Variants in INAFM1 observed in about 807,000 individuals in gnomAD.
INAFM1 encodes InaF motif containing 1.
INAFM1 carries 11 observed loss-of-function variants against 9.4 expected under a neutral mutation model. That is an observed-to-expected ratio of 1.17 (90% confidence interval 0.74 to 1.94). The LOEUF (loss-of-function observed/expected upper bound fraction) is 1.94. Among genes scored for constraint, INAFM1 ranks in the 30% most tolerant of loss-of-function variants. The probability of loss-of-function intolerance (pLI) is 0.00; values close to 1 mark genes in which losing one functional copy is unlikely to be tolerated. For synonymous variants in INAFM1, 161 were observed against 109.5 expected (o/e 1.47, Z -2.94); for missense variants, 318 against 221.6 (o/e 1.44, Z -2.76).
At position 47,275,198 on chromosome 19, in the gene INAFM1, C is replaced by T. The variant is rs959628410; in HGVS notation, c.279C>T (p.Leu93=). The change falls in exon 1 of 1, where the codon CTC becomes CTT. Residue 93 remains leucine (L), a synonymous_variant. Transcript: ENST00000552360. ...PPVPAPAAAS[L]SCLLGVPGGP... ...TCCCGGCGCCCGCCGCTGCCTCCCT[C>T]TCCTGCCTCCTGGGAGTCCCCGGCG... is the stretch of plus-strand genomic sequence containing the variant. 1.3e-5 allele frequency: 20 copies of T among 1,514,398 alleles called. No individual in the cohort carries two copies. The highest frequency in any genetic ancestry group is 2.1e-4 in the Middle Eastern group (1 of 4,666). The allele number at this position is 1,514,398 out of a possible 1,614,324, so 93.8% of individuals were successfully genotyped here. A position where few individuals can be genotyped will look rare whatever the true frequency, so the allele number is the denominator to read the frequency against.
rs1383638142 is a variant in INAFM1 at position 47,275,187 on chromosome 19, G to A, written c.268G>A (p.Ala90Thr). 6.8e-6 allele frequency: 10 copies of A among 1,475,926 alleles called. No homozygotes were observed. The highest frequency in any genetic ancestry group is 4.5e-5 in the African/African-American group (3 of 67,334). The allele number at this position is 1,475,926 out of a possible 1,614,324, so 91.4% of individuals were successfully genotyped here. Reference protein sequence around the residue: ...PGVPPVPAPAAASLSCLLGVP... With the variant: ...PGVPPVPAPATASLSCLLGVP... ...CGTGCCGCCTGTCCCGGCGCCCGCC[G>A]CTGCCTCCCTCTCCTGCCTCCTGGG... The change falls in exon 1 of 1, where the codon GCT (alanine) becomes ACT (threonine). Residue 90 changes from alanine (A) to threonine (T), a missense_variant. By Grantham distance (58) the Ala-to-Thr change is moderately conservative. Transcript: ENST00000552360.
upstream of INAFM1, chr19:47,274,725 G>A (rs1480526408): frequency 1.0e-5 from 3 of 292,964 alleles, no homozygotes; most frequent in Admixed American, 5.8e-5. Flanking sequence ...TCCGCCTGTC[G>A]GTGGTGGGGC....
upstream of INAFM1, chr19:47,274,851 G>C (rs1600297888): frequency 4.5e-6 from 5 of 1,104,606 alleles, no homozygotes; most frequent in Non-Finnish European, 5.6e-6. Context: ...CGGTCTGCGG[G>C]GTGGGGGCGG....
upstream of INAFM1, chr19:47,274,802 CG>C (rs1184101474): frequency 2.1e-5 from 13 of 619,870 alleles, no homozygotes; most frequent in Non-Finnish European, 2.4e-5. Context: ...ACCATGCTGG[CG>C]GGGGCGGGGC....
At position 47,275,673 on chromosome 19, in the gene INAFM1, A is replaced by G. The variant is rs1568646104; in HGVS notation, c.*325A>G. 2.5e-6 allele frequency: 1 copy of G among 398,182 alleles called. No homozygotes were observed. Among genetic ancestry groups the G allele is most frequent in the Non-Finnish European group, 4.7e-6 (1 of 213,254 alleles). The allele number at this position is 398,182 out of a possible 1,614,324, so 24.7% of individuals were successfully genotyped here. A position where few individuals can be genotyped will look rare whatever the true frequency, so the allele number is the denominator to read the frequency against. On this transcript the variant is annotated 3_prime_UTR_variant, in exon 1 of 1. Coordinates refer to ENST00000552360, the MANE Select transcript of INAFM1 (RefSeq NM_178511.6). ...CCTCCCTGAATCCGTGTCCATCTGCAATAAACGACAGCCTCGGCTGCCTCG... is the reference window on the plus strand; with the variant it reads ...CCTCCCTGAATCCGTGTCCATCTGCGATAAACGACAGCCTCGGCTGCCTCG...
In INAFM1 at chr19:47,274,889, TCTGCGGCGCGGAGCCGAGTGGG is replaced by T. The variant is rs2123496627; in HGVS notation, c.-24_-3del. 1 of 1,241,220 alleles carries T rather than the reference TCTGCGGCGCGGAGCCGAGTGGG, an allele frequency of 8.1e-7. No homozygotes were observed. The highest frequency in any genetic ancestry group is 3.1e-5 in the South Asian group (1 of 31,950). The allele number at this position is 1,241,220 out of a possible 1,614,324, so 76.9% of individuals were successfully genotyped here. Reference sequence around the variant, plus strand: ...CCTGGTGGGGGCGGGGCCTGTGCGGTCTGCGGCGCGGAGCCGAGTGGGCTGCGGGGATGCGGGGGACCAGCTG... The same window carrying T: ...CCTGGTGGGGGCGGGGCCTGTGCGGTCTGCGGGGATGCGGGGGACCAGCTG... On this transcript the variant is annotated 5_prime_UTR_variant, in exon 1 of 1. Coordinates refer to ENST00000552360, the MANE Select transcript of INAFM1 (RefSeq NM_178511.6).
At chr19:47,274,750 G>A (rs2059145336), upstream of INAFM1, 4 of 332,186 alleles carry the variant, frequency 1.2e-5, no homozygotes, top group Admixed American at 5.8e-5. Context: ...GCTGGAGGGG[G>A]TGGGCCTAGG....
chr19:47,274,956 A>T lies in INAFM1; in HGVS notation c.37A>T (p.Ser13Cys). 1 of 1,371,748 alleles carries T rather than the reference A, an allele frequency of 7.3e-7. No individual in the cohort carries two copies. The highest frequency in any genetic ancestry group is 9.3e-7 in the Non-Finnish European group (1 of 1,072,832). 85.0% of individuals were successfully genotyped at this position (1,371,748 alleles called of 1,614,324 possible). A position where few individuals can be genotyped will look rare whatever the true frequency, so the allele number is the denominator to read the frequency against. The change falls in exon 1 of 1, where the codon AGC becomes TGC. Residue 13 changes from serine to cysteine, a missense_variant. By Grantham distance (112) the Ser-to-Cys change is moderately radical (BLOSUM62 -1). Transcript: ENST00000552360. ...GTSCVGGGAE[S>C]PGGAGLSEGP... ...CAGCTGCGTGGGCGGCGGCGCCGAGAGCCCCGGAGGCGCGGGGCTGAGCGA... is the reference window on the plus strand; with the variant it reads ...CAGCTGCGTGGGCGGCGGCGCCGAGTGCCCCGGAGGCGCGGGGCTGAGCGA...
Position 47,275,403 on chromosome 19 carries a change from G to C in INAFM1, c.*55G>C. The C allele has an allele frequency of 1.3e-6, 2 of 1,509,354 alleles. No individual in the cohort carries two copies. Among genetic ancestry groups the C allele is most frequent in the East Asian group, 2.8e-5 (1 of 36,292 alleles). The allele number at this position is 1,509,354 out of a possible 1,614,324, so 93.5% of individuals were successfully genotyped here. On this transcript the variant is annotated 3_prime_UTR_variant, in exon 1 of 1. Coordinates refer to ENST00000552360, the MANE Select transcript of INAFM1 (RefSeq NM_178511.6). The stretch of plus-strand genomic sequence containing the variant: ...AGCCCTCGAGAGCTCTGTGCTCCAC[G>C]CCGAGGATGCACCGTCTCTGGATTG...
In INAFM1 at chr19:47,274,893, C is replaced by A. The variant is rs573923574; in HGVS notation, c.-27C>A. 8.1e-6 allele frequency: 10 copies of A among 1,239,216 alleles called. No individual in the cohort carries two copies. The African/African-American group carries it at 1.4e-4, about 18-fold the overall frequency. 76.8% of individuals were successfully genotyped at this position (1,239,216 alleles called of 1,614,324 possible). On this transcript the variant is annotated 5_prime_UTR_variant, in exon 1 of 1. Coordinates refer to ENST00000552360, the MANE Select transcript of INAFM1 (RefSeq NM_178511.6). Reference sequence around the variant, plus strand: ...GTGGGGGCGGGGCCTGTGCGGTCTGCGGCGCGGAGCCGAGTGGGCTGCGGG... The same window carrying A: ...GTGGGGGCGGGGCCTGTGCGGTCTGAGGCGCGGAGCCGAGTGGGCTGCGGG...
At chr19:47,274,721 T>A, upstream of INAFM1, 3 of 193,832 alleles carry the variant, frequency 1.5e-5, no homozygotes, top group Non-Finnish European at 2.5e-5. Context: ...CACCTCCGCC[T>A]GTCGGTGGTG....
rs2059151072 is a variant in INAFM1, at chr19:47,275,225, G to A, written c.306G>A (p.Gly102=). 2.0e-6 allele frequency: 3 copies of A among 1,529,954 alleles called. No individual in the cohort carries two copies. The highest frequency in any genetic ancestry group is 2.6e-6 in the Non-Finnish European group (3 of 1,139,324). The allele number at this position is 1,529,954 out of a possible 1,614,324, so 94.8% of individuals were successfully genotyped here. A position where few individuals can be genotyped will look rare whatever the true frequency, so the allele number is the denominator to read the frequency against. Residue 102 remains glycine, a synonymous_variant, in exon 1 of 1, where the codon GGG becomes GGA. Transcript: ENST00000552360. ...CCTGCCTCCTGGGAGTCCCCGGCGG[G>A]CCGCGACCCCAGCTCCAGCTGCCGC... ...SLSCLLGVPG[G]PRPQLQLPLS...
Position 47,275,122 on chromosome 19 carries a change from A to T in INAFM1, c.203A>T (p.Gln68Leu). Residue 68 changes from glutamine (Q) to leucine (L), a missense_variant, in exon 1 of 1, where the codon CAG (glutamine) becomes CTG (leucine). Coordinates refer to ENST00000552360, the MANE Select transcript of INAFM1 (RefSeq NM_178511.6). ...TCTCCCGCGGCACCCGCCGGCCCAC[A>T]GCCCAGCGCGCCGTCCCCTCCGTGT... is the stretch of plus-strand genomic sequence containing the variant. ...TRSPAAPAGP[Q>L]PSAPSPPCAA... 6.7e-7 allele frequency: 1 copy of T among 1,490,512 alleles called. No homozygotes were observed. The highest frequency in any genetic ancestry group is 8.9e-7 in the Non-Finnish European group (1 of 1,123,840). The allele number at this position is 1,490,512 out of a possible 1,614,324, so 92.3% of individuals were successfully genotyped here. A position where few individuals can be genotyped will look rare whatever the true frequency, so the allele number is the denominator to read the frequency against.
chr19:47,274,959 C>A lies in INAFM1; in HGVS notation c.40C>A (p.Pro14Thr). ...CTGCGTGGGCGGCGGCGCCGAGAGC[C>A]CCGGAGGCGCGGGGCTGAGCGAGGG... is the stretch of plus-strand genomic sequence containing the variant. ...TSCVGGGAES[P>T]GGAGLSEGPR... The change falls in exon 1 of 1, where the codon CCC (proline) becomes ACC (threonine). Residue 14 changes from proline (P) to threonine (T), a missense_variant. Physicochemically the swap from Pro to Thr is conservative, Grantham distance 38 (BLOSUM62 -1). Transcript: ENST00000552360. 1 of 1,394,526 alleles carries A rather than the reference C, an allele frequency of 7.2e-7. No homozygotes were observed. The highest frequency in any genetic ancestry group is 1.6e-5 in the South Asian group (1 of 63,384). The allele number at this position is 1,394,526 out of a possible 1,614,324, so 86.4% of individuals were successfully genotyped here.
chr19:47,274,988 G>T lies in INAFM1; in HGVS notation c.69G>T (p.Pro23=). 1 of 1,467,662 alleles carries T rather than the reference G, an allele frequency of 6.8e-7. No individual in the cohort carries two copies. The highest frequency in any genetic ancestry group is 9.0e-7 in the Non-Finnish European group (1 of 1,113,802). 90.9% of individuals were successfully genotyped at this position (1,467,662 alleles called of 1,614,324 possible). ...GAGGCGCGGGGCTGAGCGAGGGCCC[G>T]CGGGGGCGCTGGCTGCGCTTGGCTC... ...SPGGAGLSEG[P]RGRWLRLAPV... Residue 23 remains proline, a synonymous_variant, in exon 1 of 1, where the codon CCG becomes CCT. Coordinates refer to ENST00000552360, the MANE Select transcript of INAFM1 (RefSeq NM_178511.6).
rs1274963272 is a variant in INAFM1, at chr19:47,275,015, G to C, written c.96G>C (p.Pro32=). Residue 32 remains proline, a synonymous_variant, in exon 1 of 1, where the codon CCG becomes CCC. Coordinates refer to ENST00000552360, the MANE Select transcript of INAFM1 (RefSeq NM_178511.6). ...GPRGRWLRLA[P]VCAYFLCVSL... ...GGGGGCGCTGGCTGCGCTTGGCTCC[G>C]GTATGCGCCTACTTCCTCTGCGTCT... 1.3e-6 allele frequency: 2 copies of C among 1,482,792 alleles called. No individual in the cohort carries two copies. Among genetic ancestry groups the C allele is most frequent in the Non-Finnish European group, 1.8e-6 (2 of 1,121,270 alleles). 91.9% of individuals were successfully genotyped at this position (1,482,792 alleles called of 1,614,324 possible). A position where few individuals can be genotyped will look rare whatever the true frequency, so the allele number is the denominator to read the frequency against.
At position 47,275,214 on chromosome 19, in the gene INAFM1, G is replaced by C. The variant is rs1161241139; in HGVS notation, c.295G>C (p.Val99Leu). The C allele has an allele frequency of 6.5e-7, 1 of 1,526,928 alleles. No homozygotes were observed. Among genetic ancestry groups the C allele is most frequent in the East Asian group, 2.6e-5 (1 of 38,062 alleles). The allele number at this position is 1,526,928 out of a possible 1,614,324, so 94.6% of individuals were successfully genotyped here. A position where few individuals can be genotyped will look rare whatever the true frequency, so the allele number is the denominator to read the frequency against. ...AAASLSCLLG[V>L]PGGPRPQLQL... ...TGCCTCCCTCTCCTGCCTCCTGGGA[G>C]TCCCCGGCGGGCCGCGACCCCAGCT... The change falls in exon 1 of 1, where the codon GTC becomes CTC. Residue 99 changes from valine to leucine, a missense_variant. By Grantham distance (32) the Val-to-Leu change is conservative. Transcript: ENST00000552360.
At position 47,274,889 on chromosome 19, in the gene INAFM1, T is replaced by TCTGCGGCGCGGAGCCGAGTGGG; in HGVS notation, c.-24_-3dup. 8.1e-7 allele frequency: 1 copy of TCTGCGGCGCGGAGCCGAGTGGG among 1,241,212 alleles called. No homozygotes were observed. The highest frequency in any genetic ancestry group is 1.0e-6 in the Non-Finnish European group (1 of 1,001,430). The allele number at this position is 1,241,212 out of a possible 1,614,324, so 76.9% of individuals were successfully genotyped here. A position where few individuals can be genotyped will look rare whatever the true frequency, so the allele number is the denominator to read the frequency against. On this transcript the variant is annotated 5_prime_UTR_variant, in exon 1 of 1. Transcript: ENST00000552360. ...CCTGGTGGGGGCGGGGCCTGTGCGGTCTGCGGCGCGGAGCCGAGTGGGCTG... is the reference window on the plus strand; with the variant it reads ...CCTGGTGGGGGCGGGGCCTGTGCGGTCTGCGGCGCGGAGCCGAGTGGGCTGCGGCGCGGAGCCGAGTGGGCTG...
chr19:47,275,349 C>G lies in INAFM1; in HGVS notation c.*1C>G, dbSNP rs1475471281. ...CGCGGAGGGGCGAAGACCCGGGTAACTCTCCCTTCCACCCCAACCCGGATC... is the reference window on the plus strand; with the variant it reads ...CGCGGAGGGGCGAAGACCCGGGTAAGTCTCCCTTCCACCCCAACCCGGATC... On this transcript the variant is annotated 3_prime_UTR_variant, in exon 1 of 1. Transcript: ENST00000552360. 1 of 1,538,486 alleles carries G rather than the reference C, an allele frequency of 6.5e-7. No homozygotes were observed. The highest frequency in any genetic ancestry group is 8.8e-7 in the Non-Finnish European group (1 of 1,141,360).
Sources: allele counts gnomAD v4.1 joint callset, GRCh38; gene constraint gnomAD v4.1.1; transcripts MANE v1.5; gene names NCBI Gene and HGNC (gene_info 2026-07-23, HGNC 2026-07-21).